The following ZBTB7C variants were observed in gnomAD, a reference collection of about 807,000 sequenced individuals.
ZBTB7C encodes zinc finger and BTB domain-containing protein 7C.
Under a neutral mutation model 25.7 loss-of-function variants are expected in ZBTB7C, and 8 were observed. That is an observed-to-expected ratio of 0.31 (90% CI 0.18 to 0.56). ZBTB7C has a LOEUF of 0.56. Ranked by LOEUF, ZBTB7C falls within the 20% of genes least tolerant of loss-of-function variation. ZBTB7C has a pLI of 0.91. For missense variants in ZBTB7C, 824 were observed against 855.2 expected (o/e 0.96, Z 0.46); for synonymous variants, 394 against 369.0 (o/e 1.07, Z -0.78).
At chr18:48,293,056 C>A (rs571955067) in intron 2 of ZBTB7C, among the ~76,000 whole-genome samples, 2 of 152,200 alleles carry the variant, frequency 1.3e-5, no homozygotes, top group Non-Finnish European at 2.9e-5. Flanking sequence ...GCACAATGTC[C>A]GGCCCACCAG....
At chr18:48,048,146 G>GTGAC (rs1014215551) in intron 3 of ZBTB7C, among the ~76,000 whole-genome samples, 1 of 152,160 alleles carries the variant, frequency 6.6e-6, no homozygotes, top group African/African-American at 2.4e-5. Flanking sequence ...AGCTTGCCAG[G>GTGAC]TGACTAAGGA....
intron 3 of ZBTB7C, among the ~76,000 whole-genome samples, chr18:48,091,820 A>G (rs2038427948): frequency 6.6e-6 from 1 of 152,094 alleles, no homozygotes; most frequent in African/African-American, 2.4e-5. Flanking sequence ...CCACTTCATC[A>G]TTGTCCAATG....
intron 3 of ZBTB7C, among the ~76,000 whole-genome samples, chr18:48,059,637 C>T (rs760905479): frequency 2.0e-5 from 3 of 152,186 alleles, no homozygotes; most frequent in East Asian, 1.9e-4. Context: ...ATTTATTTAC[C>T]GGCCCCACAC....
intron 2 of ZBTB7C, among the ~76,000 whole-genome samples, chr18:48,242,415 A>G: frequency 6.6e-6 from 1 of 152,356 alleles, no homozygotes; most frequent in East Asian, 1.9e-4. Context: ...ACAGAACAAT[A>G]TCTCAGATTA....
intron 2 of ZBTB7C, among the ~76,000 whole-genome samples, chr18:48,331,108 TC>T (rs1171214995): frequency 2.6e-5 from 4 of 152,128 alleles, no homozygotes; most frequent in Non-Finnish European, 5.9e-5. Context: ...TTTGCTAGCC[TC>T]CATCCCTGTG....
At chr18:48,056,666 C>T (rs2036925470) in intron 3 of ZBTB7C, among the ~76,000 whole-genome samples, 1 of 152,042 alleles carries the variant, frequency 6.6e-6, no homozygotes, top group African/African-American at 2.4e-5. Flanking sequence ...GAGATTAGAA[C>T]AACTAGGCAA....
At chr18:48,266,892 A>G (rs1187081744) in intron 2 of ZBTB7C, among the ~76,000 whole-genome samples, 1 of 152,118 alleles carries the variant, frequency 6.6e-6, no homozygotes, top group Admixed American at 6.5e-5. Flanking sequence ...AAGGAATATT[A>G]TAAGATATGT....
intron 2 of ZBTB7C, among the ~76,000 whole-genome samples, chr18:48,321,648 G>A (rs911687165): frequency 6.6e-6 from 1 of 152,124 alleles, no homozygotes; most frequent in Non-Finnish European, 1.5e-5. Context: ...ACTTTCCCTA[G>A]GTGAAAATGG....
At position 48,029,753 on chromosome 18, in the gene ZBTB7C, C is replaced by A; in HGVS notation, c.1367G>T (p.Ser456Ile). Residue 456 changes from serine (S) to isoleucine (I), a missense_variant, in exon 5 of 5, where the codon AGC becomes ATC. Around this residue, in one of 4 missense-constraint regions of ZBTB7C, gnomAD observed 342 missense variants for 307.0 expected, o/e 1.11. Transcript: ENST00000590800. ...GTGCAGGTGGTCAGAGCGCGTGAAG[C>A]TCTTGTAGCAGAACTCGCACTGGTA... is the stretch of plus-strand genomic sequence containing the variant. ...RPYQCEFCYK[S>I]FTRSDHLHRH... is the part of the protein sequence containing the mutation. 2 of 1,608,198 alleles carry A rather than the reference C, an allele frequency of 1.2e-6. No homozygotes were observed. Among genetic ancestry groups the A allele is most frequent in the Non-Finnish European group, 1.7e-6 (2 of 1,179,966 alleles).
chr18:48,349,405 T>C (rs1161109592), intron 1 of ZBTB7C, among the ~76,000 whole-genome samples: 1 of 152,204 alleles, frequency 6.6e-6, no homozygotes, highest in African/African-American at 2.4e-5. Context: ...ATGCAAACTA[T>C]AGAGGCTGCA....
chr18:48,073,190 T>C (rs1018609836), intron 3 of ZBTB7C, among the ~76,000 whole-genome samples: 1 of 152,142 alleles, frequency 6.6e-6, no homozygotes, highest in African/African-American at 2.4e-5. Context: ...CTTTCTTTCT[T>C]GTCCCCTCTA....
At chr18:48,399,428 A>G (rs543467550) in intron 1 of ZBTB7C, among the ~76,000 whole-genome samples, 1 of 152,374 alleles carries the variant, frequency 6.6e-6, no homozygotes, top group South Asian at 2.1e-4. Context: ...AAAACATAAA[A>G]GAGAAATCCT....
chr18:48,152,278 C>T (rs999866998), intron 3 of ZBTB7C, among the ~76,000 whole-genome samples: 1 of 151,946 alleles, frequency 6.6e-6, no homozygotes, highest in South Asian at 2.1e-4. Flanking sequence ...TGGGAGACAG[C>T]CCATTAGTAT....
intron 2 of ZBTB7C, among the ~76,000 whole-genome samples, chr18:48,289,502 AT>A (rs975113024): frequency 1.3e-5 from 2 of 151,332 alleles, no homozygotes; most frequent in South Asian, 2.1e-4. Flanking sequence ...ACACGGTATG[AT>A]TTTTTTAACA....
chr18:48,050,631 C>T (rs994383246), intron 3 of ZBTB7C, among the ~76,000 whole-genome samples: 1 of 152,174 alleles, frequency 6.6e-6, no homozygotes, highest in East Asian at 1.9e-4. Flanking sequence ...ATTGTGCACC[C>T]CCTCCTCTTT....
chr18:48,244,064 TA>T (rs1233605065), intron 2 of ZBTB7C, among the ~76,000 whole-genome samples: 1 of 152,142 alleles, frequency 6.6e-6, no homozygotes, highest in Admixed American at 6.5e-5. Flanking sequence ...CTCAAAACTG[TA>T]AAAATTCTAG....
At chr18:48,412,027 T>C (rs189243135), upstream of ZBTB7C, among the ~76,000 whole-genome samples, 37 of 152,312 alleles carry the variant, frequency 2.4e-4, no homozygotes, top group Non-Finnish European at 4.9e-4. Flanking sequence ...AAAAAAAGCA[T>C]GTCATTCAAC....
intron 3 of ZBTB7C, among the ~76,000 whole-genome samples, chr18:48,178,792 A>G (rs1372444492): frequency 1.3e-5 from 2 of 152,092 alleles, no homozygotes; most frequent in African/African-American, 2.4e-5. Flanking sequence ...GCTTGTAATG[A>G]CAGAAAAACC....
intron 1 of ZBTB7C, among the ~76,000 whole-genome samples, chr18:48,344,779 G>A (rs943086961): frequency 2.0e-5 from 3 of 152,218 alleles, no homozygotes; most frequent in Non-Finnish European, 2.9e-5. Context: ...TGTCTTCAAC[G>A]CCGCCAAATG....
Sources: allele counts gnomAD v4.1 joint callset (sites outside exome capture counted in the v4.1 genomes callset), GRCh38; gene constraint gnomAD v4.1.1; regional missense constraint gnomAD v4.1.1; transcripts MANE v1.5; gene names NCBI Gene and HGNC (gene_info 2026-07-23, HGNC 2026-07-21).